CCAR2: variants seen among roughly 807,000 people sequenced by gnomAD.
CCAR2 encodes cell cycle and apoptosis regulator 2, also known as cell cycle and apoptosis regulator protein 2.
Under a neutral mutation model 108.1 loss-of-function variants are expected in CCAR2, and 21 were observed. The observed-to-expected ratio is 0.19, with a 90% CI of 0.14 to 0.28. The LOEUF is 0.28. Ranked by LOEUF, CCAR2 falls within the 10% of genes least tolerant of loss-of-function variation. CCAR2 has a pLI of 1.00. For missense variants in CCAR2, 1,126 were observed against 1,177.0 expected, an observed-to-expected ratio of 0.96 and a Z score of 0.63; for synonymous variants, 577 against 472.8, an observed-to-expected ratio of 1.22 and a Z score of -2.86.
intron 7 of CCAR2, among the ~76,000 whole-genome samples, chr8:22,610,372 G>C (rs1158617430): frequency 6.6e-6 from 1 of 152,216 alleles, no homozygotes; most frequent in Non-Finnish European, 1.5e-5. Flanking sequence ...CTGCTGTGCT[G>C]TGGTTTTTAG....
intron 5 of CCAR2, 74 bp from the exon 6 acceptor site, chr8:22,607,122 G>A: frequency 1.2e-6 from 2 of 1,608,708 alleles, no homozygotes; most frequent in South Asian, 2.2e-5. Flanking sequence ...TCAGGGGGGT[G>A]GGACTGCATC....
Position 22,615,757 on chromosome 8 carries a change from C to A in CCAR2, c.1453C>A (p.Pro485Thr). ...ADTSRRNAETPEATTQQETDT... is the reference protein window; with the variant it reads ...ADTSRRNAETTEATTQQETDT... ...CACTTCTAGACGGAACGCAGAAACTCCAGAGGCCACCACACAGCAGGAAAC... is the reference window on the plus strand; with the variant it reads ...CACTTCTAGACGGAACGCAGAAACTACAGAGGCCACCACACAGCAGGAAAC... The change falls in exon 13 of 21, where the codon CCA becomes ACA. Residue 485 changes from proline (P) to threonine (T), a missense_variant. Physicochemically the swap from Pro to Thr is conservative, Grantham distance 38. Coordinates refer to ENST00000308511, the MANE Select transcript of CCAR2 (RefSeq NM_001393997.1). The A allele has an allele frequency of 6.2e-7, 1 of 1,613,878 alleles. No individual in the cohort carries two copies. Among genetic ancestry groups the A allele is most frequent in the Non-Finnish European group, 8.5e-7 (1 of 1,180,006 alleles).
chr8:22,615,876 G>A lies in CCAR2; in HGVS notation c.1572G>A (p.Val524=). 6.2e-7 allele frequency: 1 copy of A among 1,614,046 alleles called. No individual in the cohort carries two copies. Among genetic ancestry groups the A allele is most frequent in the South Asian group, 1.1e-5 (1 of 91,076 alleles). The change falls in exon 13 of 21, where the codon GTG becomes GTA. Residue 524 remains valine (V), a synonymous_variant. Transcript: ENST00000308511. ...TAAACCTGTCCCTCCATGGGATTGT[G>A]GAGGATCGGAGGCCAAAGGAAAGGA... The part of the protein sequence containing the change: ...GCVNLSLHGI[V]EDRRPKERIS...
intron 8 of CCAR2, chr8:22,613,874 T>C: frequency 1.7e-6 from 1 of 577,266 alleles, no homozygotes; most frequent in South Asian, 2.2e-5. Flanking sequence ...CTGTCATGTG[T>C]TATAAGTGTT....
intron 11 of CCAR2, chr8:22,615,213 C>A: frequency 1.2e-6 from 1 of 862,978 alleles, no homozygotes; most frequent in Non-Finnish European, 1.7e-6. Flanking sequence ...GTTGTCCTTG[C>A]ACCTTGTAGG....
At position 22,620,024 on chromosome 8, in the gene CCAR2, A is replaced by G; in HGVS notation, c.*342A>G. 1 of 307,924 alleles carries G rather than the reference A, an allele frequency of 3.2e-6. No individual in the cohort carries two copies. Among genetic ancestry groups the G allele is most frequent in the South Asian group, 4.4e-5 (1 of 22,816 alleles). 19.1% of individuals were successfully genotyped at this position (307,924 alleles called of 1,614,324 possible). ...TCCAGTTTAGAATAAGACAGGGGAG[A>G]AAAAGGCTTTTCGAGTGTGGGACAA... On this transcript the variant is annotated 3_prime_UTR_variant, in exon 21 of 21. Transcript: ENST00000308511.
chr8:22,617,414 C>T lies in CCAR2; in HGVS notation c.1846-6C>T. 6.5e-7 allele frequency: 1 copy of T among 1,531,428 alleles called. No individual in the cohort carries two copies. The highest frequency in any genetic ancestry group is 1.4e-5 in the African/African-American group (1 of 71,932). 94.9% of individuals were successfully genotyped at this position (1,531,428 alleles called of 1,614,324 possible). A position where few individuals can be genotyped will look rare whatever the true frequency, so the allele number is the denominator to read the frequency against. On this transcript the variant is annotated splice_region_variant and splice_polypyrimidine_tract_variant and intron_variant, in intron 14 of 20. Transcript: ENST00000308511. ...TTTTCCTTATAACCTTTGTCTGCCT[C>T]TGTAGAAGGAGGATGGGCTTTTGCC... is the stretch of plus-strand genomic sequence containing the variant.
intron 11 of CCAR2, 97 bp from the exon 12 acceptor site, chr8:22,615,328 T>TTGAG: frequency 7.0e-7 from 1 of 1,421,508 alleles, no homozygotes; most frequent in Non-Finnish European, 9.6e-7. Flanking sequence ...TGTGTGCTCA[T>TTGAG]TGAGTGCTGA....
In CCAR2 at chr8:22,614,672, CAGAG is replaced by C. The variant is rs749383118; in HGVS notation, c.1042-161_1042-158del. 1.8e-5 allele frequency: 19 copies of C among 1,061,222 alleles called. No homozygotes were observed. The South Asian group carries it at 2.2e-4, about 12-fold the overall frequency. 65.7% of individuals were successfully genotyped at this position (1,061,222 alleles called of 1,614,324 possible). ...GCAGCTCAGAGCTGTTACGACTAGTCAGAGAGAGCGAGGTGGCTGGTTCATGTTT... is the reference window on the plus strand; with the variant it reads ...GCAGCTCAGAGCTGTTACGACTAGTCAGAGCGAGGTGGCTGGTTCATGTTT... On this transcript the variant is annotated intron_variant, in intron 10 of 20. Transcript: ENST00000308511.
In CCAR2 at chr8:22,614,088, G is replaced by A. The variant is rs1021274676; in HGVS notation, c.705-4G>A. The A allele has an allele frequency of 1.2e-6, 2 of 1,612,750 alleles. No homozygotes were observed. Among genetic ancestry groups the A allele is most frequent in the African/African-American group, 2.7e-5 (2 of 74,904 alleles). ...GTCTGGATTCCCTTGCTGTCTTCCT[G>A]TAGCCCCATCTGTGACTTCCTAGAA... On this transcript the variant is annotated splice_region_variant and splice_polypyrimidine_tract_variant and intron_variant, in intron 8 of 20. Transcript: ENST00000308511.
intron 10 of CCAR2, 143 bp from the exon 11 acceptor site, chr8:22,614,695 C>T (rs1321393471): frequency 4.4e-6 from 5 of 1,148,250 alleles, no homozygotes; most frequent in East Asian, 2.5e-5. Context: ...GTGGCTGGTT[C>T]ATGTTTGCAG....
chr8:22,616,818 A>G (rs868174813), intron 14 of CCAR2, among the ~76,000 whole-genome samples: 5 of 149,120 alleles, frequency 3.4e-5, no homozygotes, highest in Middle Eastern at 7.0e-3. Context: ...TCTCTGTCTC[A>G]AAAAAGAAAA....
rs201601887 is a variant in CCAR2 at position 22,607,233 on chromosome 8, T to C, written c.395T>C (p.Val132Ala). 4.2e-5 allele frequency: 68 copies of C among 1,613,950 alleles called. No homozygotes were observed. The highest frequency in any genetic ancestry group is 5.5e-5 in the Non-Finnish European group (65 of 1,180,024). Reference sequence around the variant, plus strand: ...TCCCCAGCACCTCCTCTTCTGCATGTAGCAGCCCTGGGCCAGAAGCAAGGG... The same window carrying C: ...TCCCCAGCACCTCCTCTTCTGCATGCAGCAGCCCTGGGCCAGAAGCAAGGG... ...LKSPAPPLLH[V>A]AALGQKQGIL... The change falls in exon 6 of 21, where the codon GTA becomes GCA. Residue 132 changes from valine (V) to alanine (A), a missense_variant. By Grantham distance (64) the Val-to-Ala change is moderately conservative. Around this residue, in one of 4 missense-constraint regions of CCAR2, gnomAD observed 44 missense variants for 63.4 expected, o/e 0.69. Coordinates refer to ENST00000308511, the MANE Select transcript of CCAR2 (RefSeq NM_001393997.1).
At chr8:22,608,481 C>A (rs1268142225) in intron 7 of CCAR2, among the ~76,000 whole-genome samples, 4 of 152,186 alleles carry the variant, frequency 2.6e-5, no homozygotes, top group Non-Finnish European at 4.4e-5. Context: ...TTTATAGACA[C>A]CATACTCATC....
At chr8:22,606,526 T>A in intron 3 of CCAR2, 81 bp from the exon 4 acceptor site, 1 of 1,130,382 alleles carries the variant, frequency 8.8e-7, no homozygotes, top group Non-Finnish European at 1.3e-6. Flanking sequence ...GGGGCGTGGG[T>A]TGAGATGAGA....
chr8:22,617,916 A>C (rs1801590409), intron 16 of CCAR2, 138 bp downstream of exon 16: 1 of 829,848 alleles, frequency 1.2e-6, no homozygotes, highest in Non-Finnish European at 1.9e-6. Context: ...TCCTTGGCTC[A>C]TGGAAGGGCA....
In CCAR2 at chr8:22,608,008, G is replaced by C; in HGVS notation, c.527G>C (p.Ser176Thr). Residue 176 changes from serine to threonine, a missense_variant, in exon 7 of 21, where the codon AGC (serine) becomes ACC (threonine). Ser to Thr is a moderately conservative substitution (Grantham distance 58). This residue lies in a region of CCAR2 where 1,013 missense variants were observed against 993.9 expected (regional missense o/e 1.02). Coordinates refer to ENST00000308511, the MANE Select transcript of CCAR2 (RefSeq NM_001393997.1). ...CAAACATCCCACACACTTCACCTGA[G>C]CCACCTGAACAGATTTCCTGCCCGG... ...LFQTSHTLHL[S>T]HLNRFPARGP... is the part of the protein sequence containing the mutation. The C allele has an allele frequency of 2.5e-6, 4 of 1,614,030 alleles. No homozygotes were observed. Among genetic ancestry groups the C allele is most frequent in the Non-Finnish European group, 3.4e-6 (4 of 1,180,022 alleles).
In CCAR2 at chr8:22,614,226, G is replaced by A. The variant is rs745593259; in HGVS notation, c.839G>A (p.Arg280Gln). ...CCCTTTTCCCTCCATCATCCAAGCC[G>A]GATCCAGGTCTCTTCTGAAAAGGAG... ...SQPFSLHHPS[R>Q]IQVSSEKEAA... Residue 280 changes from arginine to glutamine, a missense_variant, in exon 9 of 21, where the codon CGG becomes CAG. Arg to Gln is a conservative substitution (Grantham distance 43, BLOSUM62 1). Coordinates refer to ENST00000308511, the MANE Select transcript of CCAR2 (RefSeq NM_001393997.1). The A allele has an allele frequency of 4.3e-6, 7 of 1,614,016 alleles. No homozygotes were observed. The highest frequency in any genetic ancestry group is 3.3e-5 in the Admixed American group (2 of 60,006).
chr8:22,609,058 T>C (rs925316667), intron 7 of CCAR2, among the ~76,000 whole-genome samples: 7 of 151,136 alleles, frequency 4.6e-5, no homozygotes, highest in African/African-American at 1.5e-4. Flanking sequence ...TTTTCTTTTT[T>C]TTTTTTTTTT....
Sources: allele counts gnomAD v4.1 joint callset (sites outside exome capture counted in the v4.1 genomes callset), GRCh38; gene constraint gnomAD v4.1.1; regional missense constraint gnomAD v4.1.1; transcripts MANE v1.5; gene names NCBI Gene and HGNC (gene_info 2026-07-23, HGNC 2026-07-21).